The following CSF1R variants were observed in gnomAD, a reference collection of about 807,000 sequenced individuals.
CSF1R encodes the protein colony stimulating factor 1 receptor.
A neutral mutation model predicts 110.0 loss-of-function variants in CSF1R; 40 were observed. The ratio of observed to expected loss-of-function variants is 0.36; its 90% CI spans 0.28 to 0.47. CSF1R has a LOEUF of 0.47. CSF1R is among the 20% of genes least tolerant of loss of function. CSF1R has a pLI of 0.99. For missense variants in CSF1R, 1,052 were observed against 1,253.0 expected, an observed-to-expected ratio of 0.84 and a Z score of 2.42; for synonymous variants, 523 against 503.4, an observed-to-expected ratio of 1.04 and a Z score of -0.52.
chr5:150,089,899 A>G (rs1758982641), upstream of CSF1R, among the ~76,000 whole-genome samples: 2 of 152,258 alleles, frequency 1.3e-5, no homozygotes, highest in African/African-American at 4.8e-5. Context: ...ACTGATATTC[A>G]ACAAGGGTGG....
At chr5:150,076,295 T>C (rs1433793996) in intron 5 of CSF1R, among the ~76,000 whole-genome samples, 7 of 152,186 alleles carry the variant, frequency 4.6e-5, no homozygotes, top group Non-Finnish European at 1.0e-4. Flanking sequence ...CAGCATTTCC[T>C]GTGTCAGACC....
chr5:150,059,613 G>T, intron 14 of CSF1R, 87 bp downstream of exon 14: 1 of 1,520,546 alleles, frequency 6.6e-7, no homozygotes, highest in Non-Finnish European at 9.0e-7. Flanking sequence ...CCATTCATGA[G>T]CCATCCAACC....
intron 1 of CSF1R, among the ~76,000 whole-genome samples, chr5:150,096,461 A>G (rs918167571): frequency 2.6e-5 from 4 of 152,212 alleles, no homozygotes; most frequent in Admixed American, 2.6e-4. Context: ...CATAGGAGAG[A>G]TGACTTTTTA....
chr5:150,070,763 C>A (rs1460766337), intron 6 of CSF1R, among the ~76,000 whole-genome samples, 192 bp from the exon 7 acceptor site: 1 of 152,220 alleles, frequency 6.6e-6, no homozygotes, highest in African/African-American at 2.4e-5. Context: ...ATCCCATTTC[C>A]TTAGTTGGTT....
chr5:150,064,976 G>A (rs976102110), intron 10 of CSF1R, among the ~76,000 whole-genome samples: 2 of 152,194 alleles, frequency 1.3e-5, no homozygotes, highest in African/African-American at 4.8e-5. Flanking sequence ...ATCAAGAGGT[G>A]GGGATGGGCG....
intron 14 of CSF1R, among the ~76,000 whole-genome samples, chr5:150,058,539 A>T (rs1366424566): frequency 6.6e-6 from 1 of 152,180 alleles, no homozygotes; most frequent in Non-Finnish European, 1.5e-5. Flanking sequence ...CCTCGAAATT[A>T]CCCACTCTGG....
intron 12 of CSF1R, among the ~76,000 whole-genome samples, chr5:150,061,257 T>G (rs569896789): frequency 6.6e-6 from 1 of 152,268 alleles, no homozygotes; most frequent in Non-Finnish European, 1.5e-5. Flanking sequence ...CCCCAGACTT[T>G]TTGGAGCTCA....
At chr5:150,061,380 C>G in intron 12 of CSF1R, 111 bp downstream of exon 12, 3 of 961,732 alleles carry the variant, frequency 3.1e-6, no homozygotes, top group Non-Finnish European at 4.6e-6. Context: ...GCTCTGTCCC[C>G]CAGGCTTCAA....
intron 1 of CSF1R, among the ~76,000 whole-genome samples, chr5:150,093,373 C>A (rs1031631795): frequency 6.6e-6 from 1 of 152,084 alleles, no homozygotes; most frequent in Non-Finnish European, 1.5e-5. Flanking sequence ...GCCACAGCAC[C>A]GGCCCTCATG....
At chr5:150,073,215 G>A in intron 6 of CSF1R, 86 bp downstream of exon 6, 1 of 1,358,954 alleles carries the variant, frequency 7.4e-7, no homozygotes, top group South Asian at 1.4e-5. Flanking sequence ...CACCAAGGTT[G>A]GGACATGAGC....
rs187817741 is a variant in CSF1R at position 150,086,218 on chromosome 5, C to G, written c.49+161G>C. Reference sequence around the variant, plus strand: ...TCCACCACACCCATCTCTTTTCACCCCACTACCTCTCCAAAGCAGATACCC... The same window carrying G: ...TCCACCACACCCATCTCTTTTCACCGCACTACCTCTCCAAAGCAGATACCC... On this transcript the variant is annotated intron_variant, in intron 1 of 20. Coordinates refer to ENST00000675795, the MANE Select transcript of CSF1R (RefSeq NM_001288705.3). 2.3e-3 allele frequency among the ~76,000 whole-genome samples: 352 copies of G among 152,304 alleles called. 1 individual carries two copies. Among genetic ancestry groups the G allele is most frequent in the African/African-American group, 7.5e-3 (312 of 41,558 alleles).
chr5:150,078,471 A>G (rs1353173807), intron 3 of CSF1R, among the ~76,000 whole-genome samples: 1 of 151,856 alleles, frequency 6.6e-6, no homozygotes, highest in African/African-American at 2.4e-5. Flanking sequence ...ACCCCTCCCC[A>G]GTCCCGTCAC....
At chr5:150,061,928 G>A (rs1423322355) in intron 10 of CSF1R, 79 bp from the exon 11 acceptor site, 1 of 1,601,706 alleles carries the variant, frequency 6.2e-7, no homozygotes, top group African/African-American at 1.3e-5. Context: ...CCCAAGAGCA[G>A]GGGTGTGGGC....
chr5:150,097,345 T>A (rs368526950), intron 1 of CSF1R, among the ~76,000 whole-genome samples: 27 of 115,930 alleles, frequency 2.3e-4, no homozygotes, highest in South Asian at 8.3e-4. Context: ...GGAAGGGAGG[T>A]AGGGAAGGAG....
chr5:150,077,618 T>C (rs1315150258), intron 4 of CSF1R, among the ~76,000 whole-genome samples, 183 bp from the exon 5 acceptor site: 1 of 152,106 alleles, frequency 6.6e-6, no homozygotes, highest in Non-Finnish European at 1.5e-5. Context: ...AAATGAGATA[T>C]GCATGCAAGT....
In CSF1R at chr5:150,073,435, C is replaced by A. The variant is rs1758114993; in HGVS notation, c.948G>T (p.Gly316=). The change falls in exon 6 of 21, where the codon GGG becomes GGT. Residue 316 remains glycine, a synonymous_variant. Transcript: ENST00000675795. ...EQNLIQEVTV[G]EGLNLKVMVE... is the part of the protein sequence containing the mutation. ...CCATGACTTTGAGGTTGAGCCCCTC[C>A]CCCACGGTCACCTCCTGGATGAGGT... The A allele has an allele frequency of 1.9e-6, 3 of 1,614,028 alleles. No homozygotes were observed. Among genetic ancestry groups the A allele is most frequent in the Non-Finnish European group, 1.7e-6 (2 of 1,180,032 alleles).
chr5:150,100,958 G>C (rs974114805), intron 1 of CSF1R, among the ~76,000 whole-genome samples: 1 of 152,034 alleles, frequency 6.6e-6, no homozygotes, highest in Non-Finnish European at 1.5e-5. Context: ...CCCATTCTGT[G>C]GTTTGTCTCT....
chr5:150,095,403 TTAAA>T (rs1413919470), intron 1 of CSF1R, among the ~76,000 whole-genome samples: 28 of 152,048 alleles, frequency 1.8e-4, no homozygotes, highest in African/African-American at 6.5e-4. Flanking sequence ...CTTTAAAAGT[TTAAA>T]TAAGTTATGC....
chr5:150,087,683 C>T (rs748734920), upstream of CSF1R, among the ~76,000 whole-genome samples: 8 of 151,994 alleles, frequency 5.3e-5, no homozygotes, highest in Admixed American at 3.3e-4. Flanking sequence ...AGTTGATTCG[C>T]TTAGTATTTT....
Sources: allele counts gnomAD v4.1 joint callset (sites outside exome capture counted in the v4.1 genomes callset), GRCh38; gene constraint gnomAD v4.1.1; transcripts MANE v1.5; gene names NCBI Gene and HGNC (gene_info 2026-07-23, HGNC 2026-07-21).